Variants in TGM2 observed in about 807,000 individuals in gnomAD.
The protein encoded by TGM2 is protein-glutamine gamma-glutamyltransferase 2.
TGM2 carries 53 observed loss-of-function variants against 75.6 expected under a neutral mutation model. The ratio of observed to expected loss-of-function variants is 0.70; its 90% CI spans 0.56 to 0.88. The LOEUF (loss-of-function observed/expected upper bound fraction) is 0.88. Among genes scored for constraint, TGM2 ranks in the 40% least tolerant of loss-of-function variants. The pLI is 0.00. For synonymous variants in TGM2, 374 were observed against 381.1 expected (o/e 0.98, Z 0.22); for missense variants, 842 against 928.5 (o/e 0.91, Z 1.21).
At chr20:38,167,036 C>T (rs2075317114), upstream of TGM2, among the ~76,000 whole-genome samples, 1 of 152,144 alleles carries the variant, frequency 6.6e-6, no homozygotes, top group African/African-American at 2.4e-5. Flanking sequence ...AGAATCCCTC[C>T]CTCACAGGCC....
At chr20:38,149,206 A>G (rs568190098) in intron 4 of TGM2, among the ~76,000 whole-genome samples, 4 of 152,112 alleles carry the variant, frequency 2.6e-5, no homozygotes, top group Non-Finnish European at 5.9e-5. Context: ...TTGCATGGCA[A>G]ACTCCTATTT....
intron 6 of TGM2, among the ~76,000 whole-genome samples, 167 bp from the exon 7 acceptor site, chr20:38,142,366 C>T (rs183234596): frequency 6.6e-6 from 1 of 152,212 alleles, no homozygotes; most frequent in Non-Finnish European, 1.5e-5. Flanking sequence ...TCTCTGGTCA[C>T]CCCATGTCCA....
In TGM2 at chr20:38,142,154, T is replaced by C; in HGVS notation, c.905A>G (p.Asn302Ser). The change falls in exon 7 of 13, where the codon AAC (asparagine) becomes AGC (serine). Residue 302 changes from asparagine to serine, a missense_variant. Transcript: ENST00000361475. ...GTTGCTGTTCTGGTCATGGGCCGAG[T>C]TGTAGTTGGTCACGACGCGGGTAGG... The part of the protein sequence containing the change: ...GIPTRVVTNY[N>S]SAHDQNSNLL... The C allele has an allele frequency of 1.9e-6, 3 of 1,613,958 alleles. No individual in the cohort carries two copies. The highest frequency in any genetic ancestry group is 1.7e-5 in the Admixed American group (1 of 60,000).
chr20:38,140,003 C>A (rs1326636644), intron 8 of TGM2, among the ~76,000 whole-genome samples: 1 of 152,214 alleles, frequency 6.6e-6, no homozygotes, highest in East Asian at 1.9e-4. Context: ...AAATGCTATG[C>A]AAGTATTTGA....
chr20:38,164,577 C>G (rs139895208), intron 1 of TGM2, among the ~76,000 whole-genome samples: 263 of 152,196 alleles, frequency 1.7e-3, no homozygotes, highest in African/African-American at 6.2e-3. Context: ...TGGGGGAAAA[C>G]AAATCTCATA....
At chr20:38,137,050 T>C (rs941708738) in intron 10 of TGM2, among the ~76,000 whole-genome samples, 2 of 152,084 alleles carry the variant, frequency 1.3e-5, no homozygotes, top group African/African-American at 4.8e-5. Context: ...CTGGGGACAC[T>C]GGAGAGGGAC....
rs201506736 is a variant in TGM2, at chr20:38,130,188, G to A, written c.*31C>T. ...GGGATAAGGATTGGGATCAAGGTGGGGGCTCTCAGCAGGCTGGGAGCAGGG... is the reference window on the plus strand; with the variant it reads ...GGGATAAGGATTGGGATCAAGGTGGAGGCTCTCAGCAGGCTGGGAGCAGGG... On this transcript the variant is annotated 3_prime_UTR_variant, in exon 13 of 13. Coordinates refer to ENST00000361475, the MANE Select transcript of TGM2 (RefSeq NM_004613.4). 1,426 of 1,612,232 alleles carry A rather than the reference G, an allele frequency of 8.8e-4. 4 individuals are homozygous for A. The highest frequency in any genetic ancestry group is 7.0e-4 in the Non-Finnish European group (831 of 1,179,544).
At chr20:38,154,067 C>T (rs1224885461) in intron 3 of TGM2, among the ~76,000 whole-genome samples, 2 of 152,208 alleles carry the variant, frequency 1.3e-5, no homozygotes, top group African/African-American at 4.8e-5. Context: ...ATCCCCCTGC[C>T]TCAGCCTCTC....
At chr20:38,134,105 C>T (rs1487813810) in intron 10 of TGM2, among the ~76,000 whole-genome samples, 3 of 152,108 alleles carry the variant, frequency 2.0e-5, no homozygotes, top group Non-Finnish European at 4.4e-5. Context: ...CAGGAGGTCA[C>T]CAGAAGGACG....
chr20:38,151,168 T>A (rs762934267), intron 3 of TGM2, 111 bp from the exon 4 acceptor site: 2 of 779,434 alleles, frequency 2.6e-6, no homozygotes, highest in South Asian at 1.4e-5. Context: ...GTCTCAGGGA[T>A]CCATCCTTCT....
chr20:38,138,908 A>G (rs1157888409), intron 9 of TGM2, among the ~76,000 whole-genome samples: 2 of 151,736 alleles, frequency 1.3e-5, no homozygotes, highest in Non-Finnish European at 2.9e-5. Context: ...ATATCTATTT[A>G]TTCTATGAAA....
At position 38,132,387 on chromosome 20, in the gene TGM2, G is replaced by T. The variant is rs764903564; in HGVS notation, c.1729C>A (p.Leu577Met). 2.5e-6 allele frequency: 4 copies of T among 1,614,060 alleles called. No individual in the cohort carries two copies. Among genetic ancestry groups the T allele is most frequent in the Non-Finnish European group, 3.4e-6 (4 of 1,180,044 alleles). The change falls in exon 11 of 13, where the codon CTG becomes ATG. Residue 577 changes from leucine to methionine, a missense_variant. Coordinates refer to ENST00000361475, the MANE Select transcript of TGM2 (RefSeq NM_004613.4). ...TCCAGGTAGAGGTCCCTCTCAGCCA[G>T]CAGGTAGCTGTTGATAACTGGCTCC... is the stretch of plus-strand genomic sequence containing the variant. The part of the protein sequence containing the change: ...LVEPVINSYL[L>M]AERDLYLENP...
intron 3 of TGM2, among the ~76,000 whole-genome samples, chr20:38,154,834 G>A (rs942928439): frequency 2.0e-5 from 3 of 150,162 alleles, no homozygotes; most frequent in Admixed American, 6.6e-5. Context: ...AGCCGGGCAC[G>A]GTGGCTCACG....
chr20:38,159,439 C>T (rs972613557), intron 2 of TGM2, among the ~76,000 whole-genome samples: 4 of 151,780 alleles, frequency 2.6e-5, no homozygotes, highest in African/African-American at 7.3e-5. Context: ...ACAAAATAAT[C>T]GGTACCACAA....
chr20:38,134,470 T>C (rs897447463), intron 10 of TGM2, among the ~76,000 whole-genome samples: 1 of 152,166 alleles, frequency 6.6e-6, no homozygotes, highest in Non-Finnish European at 1.5e-5. Flanking sequence ...CTGTCGACTA[T>C]TCTAGGAGGT....
intron 12 of TGM2, among the ~76,000 whole-genome samples, chr20:38,130,803 A>G (rs1165601393): frequency 6.6e-6 from 1 of 152,196 alleles, no homozygotes; most frequent in East Asian, 1.9e-4. Flanking sequence ...GGACATTCGG[A>G]GGGCAGATAC....
Position 38,135,430 on chromosome 20 carries a change from C to CACACACAT in TGM2, c.1615+2682_1615+2683insATGTGTGT, listed in dbSNP as rs1226871340. 4.6e-5 allele frequency among the ~76,000 whole-genome samples: 7 copies of CACACACAT among 150,900 alleles called. No individual in the cohort carries two copies. The East Asian group carries it at 1.3e-3, about 29-fold the overall frequency. On this transcript the variant is annotated intron_variant, in intron 10 of 12. Transcript: ENST00000361475. Reference sequence around the variant, plus strand: ...ACACACACACACACACACACACACACACATACACACACACAAAACAGGGCT... The same window carrying CACACACAT: ...ACACACACACACACACACACACACACACACACATACATACACACACACAAAACAGGGCT...
At chr20:38,138,502 C>T in intron 9 of TGM2, 117 bp from the exon 10 acceptor site, 1 of 1,578,026 alleles carries the variant, frequency 6.3e-7, no homozygotes. Flanking sequence ...CATGAAGGAG[C>T]CCCTTCTCTA....
At chr20:38,142,303 C>A in intron 6 of TGM2, 104 bp from the exon 7 acceptor site, 2 of 1,555,744 alleles carry the variant, frequency 1.3e-6, no homozygotes, top group South Asian at 1.2e-5. Context: ...TACCTGCTGT[C>A]CAAGTGCTGA....
Sources: gnomAD v4.1 joint callset for allele counts (sites outside exome capture counted in the v4.1 genomes callset) on GRCh38, gnomAD v4.1.1 for gene constraint, MANE v1.5 for transcripts, NCBI Gene and HGNC (gene_info 2026-07-23, HGNC 2026-07-21) for gene names.